The following ABR variants were observed in gnomAD, a reference collection of about 807,000 sequenced individuals.
The protein encoded by ABR is active breakpoint cluster region-related protein.
Under a neutral mutation model 107.2 loss-of-function variants are expected in ABR, and 35 were observed. The ratio of observed to expected loss-of-function variants is 0.33; its 90% CI spans 0.25 to 0.43. The LOEUF is 0.43. Ranked by LOEUF, ABR falls within the 20% of genes least tolerant of loss-of-function variation. The pLI is 1.00. For synonymous variants in ABR, 498 were observed against 462.0 expected (o/e 1.08, Z -1.00); for missense variants, 815 against 1,115.2 (o/e 0.73, Z 3.83).
At chr17:1,055,735 G>A (rs2033194740) in intron 14 of ABR, 1 of 313,424 alleles carries the variant, frequency 3.2e-6, no homozygotes, top group African/African-American at 2.1e-5. Context: ...CACCATGTTG[G>A]CCCGGATGGT....
rs1472343219 is a variant in ABR at position 1,200,364 on chromosome 17, C to G, written c.838+28429G>C. ...CCAGCCTGGGCAACATAGCAAGACA[C>G]TGTCTCCATTAAAAAAAATTTTTTT... On this transcript the variant is annotated intron_variant, in intron 1 of 22. Coordinates refer to the ABR transcript ENST00000574139. The surrounding 1 kb of genome is among the most constrained non-coding windows in gnomAD (Gnocchi z 4.1). Among the ~76,000 whole-genome samples, 1 of 152,086 alleles carries G rather than the reference C, an allele frequency of 6.6e-6. No homozygotes were observed. Among genetic ancestry groups the G allele is most frequent in the East Asian group, 1.9e-4 (1 of 5,190 alleles).
chr17:1,116,868 G>A (rs2039012812), intron 2 of ABR, among the ~76,000 whole-genome samples: 2 of 152,310 alleles, frequency 1.3e-5, no homozygotes, highest in South Asian at 2.1e-4. Context: ...CCAGGAAGGG[G>A]AGAAATGCAG....
intron 16 of ABR, among the ~76,000 whole-genome samples, chr17:1,026,445 G>A (rs761514069): frequency 2.3e-4 from 35 of 152,324 alleles, no homozygotes; most frequent in African/African-American, 2.2e-4. Flanking sequence ...CTGGGGTCAC[G>A]GTCCAGAAAG....
intron 1 of ABR, among the ~76,000 whole-genome samples, chr17:1,152,151 G>T (rs1181339746): frequency 3.9e-5 from 6 of 152,252 alleles, no homozygotes; most frequent in Admixed American, 2.6e-4. Flanking sequence ...TTAGCTAGGT[G>T]TGGTGGCAGG....
rs1007096908 is a variant in ABR, at chr17:1,070,665, G to T, written c.895-575C>A. Among the ~76,000 whole-genome samples the T allele has an allele frequency of 6.6e-6, 1 of 151,840 alleles. No homozygotes were observed. Among genetic ancestry groups the T allele is most frequent in the East Asian group, 1.9e-4 (1 of 5,156 alleles). The stretch of plus-strand genomic sequence containing the variant: ...ATGAGACCTGGGCCCTCCAGCCTGG[G>T]ACTGCAGCAGTGCCCAGAGGGGACC... On this transcript the variant is annotated intron_variant, in intron 8 of 22. Transcript: ENST00000302538. This position sits in a 1 kb window ranked among gnomAD's most constrained non-coding sequence, Gnocchi z 4.2.
chr17:1,126,171 G>A (rs1290200897), intron 1 of ABR, among the ~76,000 whole-genome samples: 4 of 152,198 alleles, frequency 2.6e-5, no homozygotes, highest in African/African-American at 4.8e-5. Flanking sequence ...CCAGTGCAGC[G>A]AGCGGGGTGT....
At chr17:1,091,572 G>T (rs2257526) in intron 4 of ABR, 93 bp downstream of exon 4, 18 of 1,437,250 alleles carry the variant, frequency 1.3e-5, no homozygotes, top group Non-Finnish European at 1.7e-5. Flanking sequence ...CAAGGAGTCC[G>T]AGAGGGCTGC....
intron 1 of ABR, among the ~76,000 whole-genome samples, chr17:1,165,355 G>T (rs888919696): frequency 2.0e-5 from 3 of 152,244 alleles, no homozygotes; most frequent in African/African-American, 7.2e-5. Flanking sequence ...GGATGGCCGG[G>T]AGGAGGTGCA....
chr17:1,022,102 GTC>G (rs2071715572), intron 16 of ABR, among the ~76,000 whole-genome samples: 1 of 46,606 alleles, frequency 2.1e-5, no homozygotes, highest in South Asian at 8.3e-4. Context: ...GCAAGACTCT[GTC>G]TCAAAAAAAA....
chr17:1,119,607 A>T (rs2039250950), intron 2 of ABR, among the ~76,000 whole-genome samples: 1 of 152,144 alleles, frequency 6.6e-6, no homozygotes, highest in African/African-American at 2.4e-5. Context: ...TTCCACAAAT[A>T]CCAGTTGAGA....
At position 1,150,749 on chromosome 17, in the gene ABR, G is replaced by A. The variant is rs1040620499; in HGVS notation, c.62-25382C>T. ...GGGCACCCCACCCACTGGGAACCAC[G>A]CGAGCAGGGAGGGACGAAGGGAGGA... On this transcript the variant is annotated intron_variant, in intron 1 of 22. Transcript: ENST00000302538. The surrounding 1 kb of genome is among the most constrained non-coding windows in gnomAD (Gnocchi z 4.8). Among the ~76,000 whole-genome samples the A allele has an allele frequency of 1.3e-5, 2 of 152,150 alleles. No homozygotes were observed. Among genetic ancestry groups the A allele is most frequent in the Admixed American group, 6.5e-5 (1 of 15,272 alleles).
intron 1 of ABR, among the ~76,000 whole-genome samples, chr17:1,199,155 C>T (rs1242610767): frequency 4.6e-5 from 7 of 150,538 alleles, no homozygotes; most frequent in Admixed American, 1.3e-4. Flanking sequence ...AAACTTTGCT[C>T]GGGAGTGGTC....
chr17:1,217,877 C>T (rs1039963442), intron 1 of ABR, among the ~76,000 whole-genome samples: 3 of 152,036 alleles, frequency 2.0e-5, no homozygotes, highest in Admixed American at 6.6e-5. Context: ...GTATTTTTAG[C>T]AGAGACGGGG....
intron 2 of ABR, among the ~76,000 whole-genome samples, chr17:1,121,113 C>T (rs542897204): frequency 6.6e-6 from 1 of 152,236 alleles, no homozygotes; most frequent in Non-Finnish European, 1.5e-5. Context: ...TCAGCCTGGA[C>T]TTGGGCAGGG....
rs1370295802 is a variant in ABR at position 1,195,369 on chromosome 17, T to G, written c.838+33424A>C. On this transcript the variant is annotated intron_variant, in intron 1 of 22. Transcript: ENST00000574139. Reference sequence around the variant, plus strand: ...CCTTGGCCTCTCCAAGTGCTGGGATTACAGGCGTGAGCCATCAGGCCCGGC... The same window carrying G: ...CCTTGGCCTCTCCAAGTGCTGGGATGACAGGCGTGAGCCATCAGGCCCGGC... Among the ~76,000 whole-genome samples the G allele has an allele frequency of 4.0e-5, 6 of 150,906 alleles. No homozygotes were observed. In the East Asian group the frequency reaches 1.2e-3, roughly 31 times the overall value.
In ABR at chr17:1,100,731, T is replaced by G. The variant is rs962601920; in HGVS notation, c.251A>C (p.Glu84Ala). The G allele has an allele frequency of 1.9e-6, 3 of 1,614,030 alleles. No individual in the cohort carries two copies. Among genetic ancestry groups the G allele is most frequent in the Non-Finnish European group, 1.7e-6 (2 of 1,179,994 alleles). Residue 84 changes from glutamate to alanine, a missense_variant, in exon 3 of 23, where the codon GAA (glutamate) becomes GCA (alanine). By Grantham distance (107) the Glu-to-Ala change is moderately radical (BLOSUM62 -1). Coordinates refer to ENST00000302538, the MANE Select transcript of ABR (RefSeq NM_021962.5). ...CCTCATCTCCAGGCCTTTCCCTGCT[T>G]CCACCTGCACAAACGCAAAGCACAG... ...TPPEGLAPGV[E>A]AGKGLEMRKL...
chr17:1,151,879 G>A (rs999333176), intron 1 of ABR, among the ~76,000 whole-genome samples: 10 of 151,898 alleles, frequency 6.6e-5, no homozygotes, highest in Non-Finnish European at 1.2e-4. Context: ...AGTTAGCCGG[G>A]CGTGGTGATG....
intron 16 of ABR, among the ~76,000 whole-genome samples, chr17:1,047,500 A>T (rs931606299): frequency 6.6e-6 from 1 of 152,184 alleles, no homozygotes; most frequent in Non-Finnish European, 1.5e-5. Context: ...GGCTGGTGAG[A>T]TGGTTCTGCA....
chr17:1,224,453 T>C (rs2043178270), intron 1 of ABR, among the ~76,000 whole-genome samples: 1 of 152,118 alleles, frequency 6.6e-6, no homozygotes, highest in South Asian at 2.1e-4. Context: ...CCTCACGTGT[T>C]CTCTCTCTGA....
Sources: allele counts gnomAD v4.1 joint callset (sites outside exome capture counted in the v4.1 genomes callset), GRCh38; gene constraint gnomAD v4.1.1; non-coding constraint Gnocchi (gnomAD v3.1); transcripts MANE v1.5; gene names NCBI Gene and HGNC (gene_info 2026-07-23, HGNC 2026-07-21).